The following PLEKHA5 variants were observed in gnomAD, a reference collection of about 807,000 sequenced individuals.
PLEKHA5 encodes the protein pleckstrin homology domain-containing family A member 5.
A neutral mutation model predicts 181.9 loss-of-function variants in PLEKHA5; 55 were observed. The ratio of observed to expected loss-of-function variants is 0.30; its 90% confidence interval spans 0.24 to 0.38. PLEKHA5 has a LOEUF of 0.38. Among genes scored for constraint, PLEKHA5 ranks in the 10% least tolerant of loss-of-function variants. The probability of loss-of-function intolerance (pLI) is 1.00; values close to 1 mark genes in which losing one functional copy is unlikely to be tolerated. For missense variants in PLEKHA5, 1,432 were observed against 1,549.5 expected (o/e 0.92, Z 1.27); for synonymous variants, 535 against 529.4 (o/e 1.01, Z -0.15).
At chr12:19,253,507 A>G (rs1036017849) in intron 3 of PLEKHA5, among the ~76,000 whole-genome samples, 8 of 152,102 alleles carry the variant, frequency 5.3e-5, no homozygotes, top group Admixed American at 1.3e-4. Context: ...AGTAGGAAAG[A>G]TATATTTAGG....
At position 19,250,306 on chromosome 12, in the gene PLEKHA5, C is replaced by T. The variant is rs549519737; in HGVS notation, c.228-3634C>T. ...TATTATATCAAGACCTGAATTTGGCCGGGCGCAGAGGCTCATACCTGTAAT... is the reference window on the plus strand; with the variant it reads ...TATTATATCAAGACCTGAATTTGGCTGGGCGCAGAGGCTCATACCTGTAAT... On this transcript the variant is annotated intron_variant, in intron 3 of 31. Transcript: ENST00000429027. 5.1e-4 allele frequency among the ~76,000 whole-genome samples: 78 copies of T among 152,242 alleles called. 2 individuals carry two copies. In the South Asian group the frequency reaches 0.016, roughly 31 times the overall value.
chr12:19,289,739 A>G (rs775056807), intron 13 of PLEKHA5, among the ~76,000 whole-genome samples: 1 of 152,152 alleles, frequency 6.6e-6, no homozygotes, highest in African/African-American at 2.4e-5. Context: ...TCCCAGAGTG[A>G]AGAAGGAGGG....
chr12:19,237,918 C>G (rs575304743), intron 3 of PLEKHA5, among the ~76,000 whole-genome samples: 2 of 151,754 alleles, frequency 1.3e-5, no homozygotes, highest in African/African-American at 4.8e-5. Flanking sequence ...TTCTTTTTCC[C>G]TATTTCATAG....
chr12:19,334,818 C>CAAA (rs1241415983), intron 20 of PLEKHA5, among the ~76,000 whole-genome samples: 76 of 5,968 alleles, frequency 0.013, 18 homozygotes, highest in Admixed American at 0.035. Flanking sequence ...CCTGTCTTCA[C>CAAA]AAAAAAAAAA....
intron 15 of PLEKHA5, 50 bp downstream of exon 15, chr12:19,291,747 A>G (rs1270835134): frequency 3.1e-6 from 3 of 967,684 alleles, no homozygotes; most frequent in Middle Eastern, 2.4e-4. Context: ...AGAACTTCTT[A>G]AATATAATAC....
intron 20 of PLEKHA5, among the ~76,000 whole-genome samples, chr12:19,327,854 A>G (rs1164870107): frequency 6.6e-6 from 1 of 152,032 alleles, no homozygotes; most frequent in Non-Finnish European, 1.5e-5. Context: ...CATGTTGGCC[A>G]GGCTGGTCTT....
intron 3 of PLEKHA5, among the ~76,000 whole-genome samples, chr12:19,237,931 A>G (rs1285743524): frequency 2.0e-5 from 3 of 151,920 alleles, no homozygotes; most frequent in Non-Finnish European, 4.4e-5. Flanking sequence ...TTTCATAGGG[A>G]TGAATGATAT....
chr12:19,163,939 C>T (rs559237050), intron 3 of PLEKHA5, among the ~76,000 whole-genome samples: 1 of 152,218 alleles, frequency 6.6e-6, no homozygotes, highest in South Asian at 2.1e-4. Context: ...AATTTTCTTC[C>T]ATTTTTACTT....
chr12:19,200,425 A>G, intron 3 of PLEKHA5: 1 of 1,496,198 alleles, frequency 6.7e-7, no homozygotes, highest in Non-Finnish European at 8.8e-7. Context: ...CTTGGTGACT[A>G]ATACTAGTTG....
intron 3 of PLEKHA5, 82 bp downstream of exon 3, chr12:19,132,532 C>A: frequency 2.7e-6 from 2 of 728,256 alleles, no homozygotes; most frequent in South Asian, 1.6e-5. Context: ...TATGTCCAGT[C>A]TTGATCATGA....
At chr12:19,371,133 C>T (rs977625694) in intron 31 of PLEKHA5, 1 of 152,380 alleles carries the variant, frequency 6.6e-6, no homozygotes, top group Non-Finnish European at 1.5e-5. Context: ...CCACCTCAGC[C>T]CCCTGAGTAG....
intron 15 of PLEKHA5, among the ~76,000 whole-genome samples, chr12:19,304,916 G>A (rs1419554612): frequency 6.6e-6 from 1 of 151,966 alleles, no homozygotes; most frequent in Non-Finnish European, 1.5e-5. Flanking sequence ...CCAACATGGC[G>A]AAACCCCTTC....
At chr12:19,189,832 A>G (rs146352205) in intron 3 of PLEKHA5, among the ~76,000 whole-genome samples, 1 of 152,366 alleles carries the variant, frequency 6.6e-6, no homozygotes, top group African/African-American at 2.4e-5. Context: ...AAAAACTAAT[A>G]AAAATGAGAA....
At chr12:19,336,660 C>T (rs2093447078) in intron 21 of PLEKHA5, 44 bp downstream of exon 21, 2 of 1,080,488 alleles carry the variant, frequency 1.9e-6, no homozygotes, top group African/African-American at 1.6e-5. Flanking sequence ...ACTGTTTTTA[C>T]TGGTACTGTA....
intron 15 of PLEKHA5, among the ~76,000 whole-genome samples, chr12:19,292,488 T>C (rs2078706980): frequency 6.6e-6 from 1 of 151,852 alleles, no homozygotes; most frequent in African/African-American, 2.4e-5. Flanking sequence ...GTGGAGGTGA[T>C]TTGCAGTTGC....
intron 15 of PLEKHA5, among the ~76,000 whole-genome samples, chr12:19,314,351 T>C (rs1440535670): frequency 2.0e-5 from 3 of 152,126 alleles, no homozygotes; most frequent in Non-Finnish European, 4.4e-5. Context: ...ACACATTCAG[T>C]ATATTATATT....
intron 3 of PLEKHA5, among the ~76,000 whole-genome samples, chr12:19,248,313 G>T (rs756846909): frequency 3.3e-5 from 5 of 152,114 alleles, no homozygotes; most frequent in African/African-American, 1.2e-4. Context: ...TTCTCATGCC[G>T]CAGCCACCAG....
In PLEKHA5 at chr12:19,306,552, A is replaced by G. The variant is rs1250535316; in HGVS notation, c.2038-8262A>G. 5.3e-6 allele frequency: 4 copies of G among 759,792 alleles called. No individual in the cohort carries two copies. In the East Asian group the frequency reaches 7.9e-5, roughly 15 times the overall value. The allele number at this position is 759,792 out of a possible 1,614,324, so 47.1% of individuals were successfully genotyped here. A position where few individuals can be genotyped will look rare whatever the true frequency, so the allele number is the denominator to read the frequency against. On this transcript the variant is annotated intron_variant, in intron 15 of 31. Transcript: ENST00000429027. ...AACGCCGCGAGCAGCGCCGTGAGCAACACTACCATCGTCCCCAGCACTGCG... is the reference window on the plus strand; with the variant it reads ...AACGCCGCGAGCAGCGCCGTGAGCAGCACTACCATCGTCCCCAGCACTGCG...
intron 8 of PLEKHA5, among the ~76,000 whole-genome samples, chr12:19,268,984 G>A (rs985533422): frequency 1.3e-4 from 20 of 152,082 alleles, no homozygotes; most frequent in Non-Finnish European, 2.5e-4. Context: ...GCCTTTTGAG[G>A]CCTAAAGAAA....
Sources: gnomAD v4.1 joint callset for allele counts (sites outside exome capture counted in the v4.1 genomes callset) on GRCh38, gnomAD v4.1.1 for gene constraint, MANE v1.5 for transcripts, NCBI Gene and HGNC (gene_info 2026-07-23, HGNC 2026-07-21) for gene names.